PER2: variants seen among roughly 807,000 people sequenced by gnomAD.
PER2 encodes period circadian regulator 2.
PER2 carries 66 observed loss-of-function variants against 121.0 expected under a neutral mutation model. That is an observed-to-expected ratio of 0.55 (90% CI 0.45 to 0.67). The LOEUF (loss-of-function observed/expected upper bound fraction) is 0.67. Among genes scored for constraint, PER2 ranks in the 30% least tolerant of loss-of-function variants. The probability of loss-of-function intolerance (pLI) is 0.00; values close to 1 mark genes in which losing one functional copy is unlikely to be tolerated. For missense variants in PER2, 1,521 were observed against 1,635.0 expected (o/e 0.93, Z 1.20); for synonymous variants, 684 against 659.9 (o/e 1.04, Z -0.56).
At chr2:238,295,843 G>T in the PER2 span, 1 of 182,762 alleles carries the variant, frequency 5.5e-6, no homozygotes, top group Non-Finnish European at 1.2e-5. Flanking sequence ...TGTGTAGGTG[G>T]ACTGTTGGGG....
chr2:238,278,272 T>G (rs1467992882), intron 1 of PER2, among the ~76,000 whole-genome samples: 1 of 152,148 alleles, frequency 6.6e-6, no homozygotes, highest in Non-Finnish European at 1.5e-5. Flanking sequence ...GGTTTTGCCA[T>G]GTTGCCCAGA....
chr2:238,252,855 C>T lies in PER2; in HGVS notation c.3111+57G>A. 1 of 1,469,260 alleles carries T rather than the reference C, an allele frequency of 6.8e-7. No individual in the cohort carries two copies. Among genetic ancestry groups the T allele is most frequent in the Non-Finnish European group, 9.5e-7 (1 of 1,052,804 alleles). The allele number at this position is 1,469,260 out of a possible 1,614,324, so 91.0% of individuals were successfully genotyped here. ...TCTGAACTGAGGATGTGCGGCCGGC[C>T]TGCCAGGTGTGCTGTTTGCTGCCTG... On this transcript the variant is annotated intron_variant, in intron 19 of 22. Coordinates refer to ENST00000254657, the MANE Select transcript of PER2 (RefSeq NM_022817.3). The surrounding 1 kb of genome is among the most constrained non-coding windows in gnomAD (Gnocchi z 4.2).
intron 8 of PER2, among the ~76,000 whole-genome samples, chr2:238,266,108 T>C (rs189843684): frequency 0.01 from 1,552 of 152,024 alleles, 25 homozygotes; most frequent in African/African-American, 0.035. Context: ...TTTCACCGTG[T>C]TGGCCAGGAT....
chr2:238,263,251 C>T (rs1410580232), intron 9 of PER2, among the ~76,000 whole-genome samples, 193 bp from the exon 10 acceptor site: 1 of 151,208 alleles, frequency 6.6e-6, no homozygotes, highest in East Asian at 2.0e-4. Context: ...GTTCACTGTC[C>T]AGGACGCTGA....
At chr2:238,257,984 C>T (rs1373782047) in intron 16 of PER2, among the ~76,000 whole-genome samples, 2 of 151,986 alleles carry the variant, frequency 1.3e-5, no homozygotes, top group South Asian at 2.1e-4. Flanking sequence ...TCAGTGTGGC[C>T]GCATGAAGGG....
chr2:238,275,432 T>C (rs1696421940), intron 4 of PER2, among the ~76,000 whole-genome samples: 1 of 152,198 alleles, frequency 6.6e-6, no homozygotes, highest in African/African-American at 2.4e-5. Flanking sequence ...CTCACACCTA[T>C]AATCCCAGAA....
At chr2:238,289,684 A>G (rs11894491), upstream of PER2, 112,626 of 152,292 alleles carry the variant, frequency 0.74, 42,668 homozygotes, top group African/African-American at 0.91. Flanking sequence ...AAGGCGGGTA[A>G]GATGGGCCCT....
chr2:238,285,888 C>T (rs533023937), intron 1 of PER2, among the ~76,000 whole-genome samples: 2 of 141,272 alleles, frequency 1.4e-5, no homozygotes, highest in African/African-American at 5.0e-5. Flanking sequence ...TTTTCTACTT[C>T]CTGGTAGGAG....
Position 238,268,946 on chromosome 2 carries a change from C to A in PER2, c.801G>T (p.Glu267Asp). 6.2e-7 allele frequency: 1 copy of A among 1,613,012 alleles called. No homozygotes were observed. The highest frequency in any genetic ancestry group is 8.5e-7 in the Non-Finnish European group (1 of 1,178,944). The change falls in exon 7 of 23, where the codon GAG becomes GAT. Residue 267 changes from glutamate (E) to aspartate (D), a missense_variant. Coordinates refer to ENST00000254657, the MANE Select transcript of PER2 (RefSeq NM_022817.3). The surrounding 1 kb of genome is among the most constrained non-coding windows in gnomAD (Gnocchi z 4.0). ...ADSFTQECME[E>D]KSFFCRVSVR... ...ACCTGACACGGCAAAAGAAAGATTT[C>A]TCCTCCATGCATTCTTGAGTAAAAG...
intron 10 of PER2, among the ~76,000 whole-genome samples, chr2:238,262,577 T>C (rs924052120): frequency 1.7e-4 from 26 of 152,108 alleles, no homozygotes; most frequent in Non-Finnish European, 3.5e-4. Context: ...GTCACTTGCA[T>C]CTATGAGGGC....
At position 238,260,906 on chromosome 2, in the gene PER2, G is replaced by A. The variant is rs751987361; in HGVS notation, c.1464C>T (p.Asn488=). 14 of 1,613,572 alleles carry A rather than the reference G, an allele frequency of 8.7e-6. No individual in the cohort carries two copies. Among genetic ancestry groups the A allele is most frequent in the African/African-American group, 2.7e-5 (2 of 75,062 alleles). The change falls in exon 13 of 23, where the codon AAC becomes AAT. Residue 488 remains asparagine, a synonymous_variant. Transcript: ENST00000254657. The stretch of plus-strand genomic sequence containing the variant: ...GGCTCATAAGGTGCTCGTGGGACCC[G>A]TTGCTGCCCAGACTCCCGTAGCCAC... ...GSSGYGSLGS[N]GSHEHLMSQT...
rs773977918 is a variant in PER2 at position 238,257,077 on chromosome 2, G to A, written c.1910C>T (p.Pro637Leu). The A allele has an allele frequency of 8.1e-6, 13 of 1,612,078 alleles. No individual in the cohort carries two copies. Among genetic ancestry groups the A allele is most frequent in the South Asian group, 3.3e-5 (3 of 91,068 alleles). ...CGTGCGGCTGTTCACCCTGGAGGGCGGCTCTGCCTCTTCATGAGAGGAAGG... is the reference window on the plus strand; with the variant it reads ...CGTGCGGCTGTTCACCCTGGAGGGCAGCTCTGCCTCTTCATGAGAGGAAGG... The part of the protein sequence containing the change: ...SPGPHAGEAE[P>L]PSRVNSRTGV... The change falls in exon 17 of 23, where the codon CCG becomes CTG. Residue 637 changes from proline (P) to leucine (L), a missense_variant. Physicochemically the swap from Pro to Leu is moderately conservative, Grantham distance 98. Transcript: ENST00000254657.
At chr2:238,275,053 T>A (rs1696409260) in intron 4 of PER2, among the ~76,000 whole-genome samples, 1 of 152,228 alleles carries the variant, frequency 6.6e-6, no homozygotes, top group Non-Finnish European at 1.5e-5. Context: ...TGATTACTAG[T>A]GAAGAACTTT....
upstream of PER2, among the ~76,000 whole-genome samples, chr2:238,293,451 A>C (rs553068369): frequency 6.6e-6 from 1 of 152,162 alleles, no homozygotes; most frequent in Non-Finnish European, 1.5e-5. Flanking sequence ...TAAAACCTCA[A>C]ACTTTCTGGT....
intron 1 of PER2, among the ~76,000 whole-genome samples, chr2:238,285,127 G>A (rs760204295): frequency 1.2e-4 from 18 of 152,400 alleles, no homozygotes; most frequent in Non-Finnish European, 2.4e-4. Flanking sequence ...GCCTCTGGGC[G>A]TGAACCTGCC....
chr2:238,286,236 G>A (rs1696779615), intron 1 of PER2, among the ~76,000 whole-genome samples: 1 of 152,116 alleles, frequency 6.6e-6, no homozygotes, highest in South Asian at 2.1e-4. Context: ...CCTGTACCTG[G>A]TTTCTTAAAG....
At chr2:238,296,048 G>A in the PER2 span, among the ~76,000 whole-genome samples, 6 of 145,070 alleles carry the variant, frequency 4.1e-5, no homozygotes, top group African/African-American at 1.3e-4. Context: ...AGAGTCAGTC[G>A]TGTGCCCTCC....
chr2:238,288,939 G>C (rs2106336985), upstream of PER2, among the ~76,000 whole-genome samples: 1 of 152,310 alleles, frequency 6.6e-6, no homozygotes, highest in Admixed American at 6.5e-5. Flanking sequence ...TTTTACATAA[G>C]ACGCACATGG....
chr2:238,289,406 G>A (rs1042800250), upstream of PER2: 1 of 152,246 alleles, frequency 6.6e-6, no homozygotes, highest in African/African-American at 2.4e-5. Flanking sequence ...TGAGGTGCCT[G>A]TGGTCGACAC....
Sources: gnomAD v4.1 joint callset for allele counts (sites outside exome capture counted in the v4.1 genomes callset) on GRCh38, gnomAD v4.1.1 for gene constraint, Gnocchi (gnomAD v3.1) non-coding constraint, MANE v1.5 for transcripts, NCBI Gene and HGNC (gene_info 2026-07-23, HGNC 2026-07-21) for gene names.